The following ABCG1 variants were observed in gnomAD, a reference collection of about 807,000 sequenced individuals.
ABCG1 encodes the protein ATP-binding cassette sub-family G member 1.
Under a neutral mutation model 69.2 loss-of-function variants are expected in ABCG1, and 29 were observed. That is an observed-to-expected ratio of 0.42 (90% CI 0.31 to 0.57). The LOEUF (loss-of-function observed/expected upper bound fraction) is 0.57, where lower values mean the gene tolerates loss of function less well. Among genes scored for constraint, ABCG1 ranks in the 20% least tolerant of loss-of-function variants. The pLI is 0.15. For missense variants in ABCG1, 718 were observed against 898.1 expected (o/e 0.80, Z 2.56); for synonymous variants, 370 against 374.8 (o/e 0.99, Z 0.15).
intron 5 of ABCG1, among the ~76,000 whole-genome samples, chr21:42,280,666 C>T (rs4148132): frequency 0.19 from 28,211 of 152,146 alleles, 2,752 homozygotes; most frequent in South Asian, 0.3. Flanking sequence ...GGCAGGGGTG[C>T]GGAGGGAAAG....
At chr21:42,207,127 G>GT (rs2067549507) in intron 2 of ABCG1, 1 of 152,002 alleles carries the variant, frequency 6.6e-6, no homozygotes, top group Non-Finnish European at 1.5e-5. Flanking sequence ...GAATCTGTAG[G>GT]TTTATATCTT....
At chr21:42,267,171 C>G (rs1276107803) in intron 2 of ABCG1, among the ~76,000 whole-genome samples, 1 of 152,206 alleles carries the variant, frequency 6.6e-6, no homozygotes, top group Non-Finnish European at 1.5e-5. Flanking sequence ...TTCCTCCCAC[C>G]CAGGCTCACA....
In ABCG1 at chr21:42,291,152, C is replaced by T; in HGVS notation, c.1454C>T (p.Ala485Val). The change falls in exon 12 of 15, where the codon GCC (alanine) becomes GTC (valine). Residue 485 changes from alanine to valine, a missense_variant. Physicochemically the swap from Ala to Val is moderately conservative, Grantham distance 64 (BLOSUM62 0). Transcript: ENST00000398449. The surrounding 1 kb of genome is among the most constrained non-coding windows in gnomAD (Gnocchi z 6.4). Reference sequence around the variant, plus strand: ...CTGAACTACTGGTACAGCCTGAAGGCCTACTACCTGGCCAAGACCATGGCA... The same window carrying T: ...CTGAACTACTGGTACAGCCTGAAGGTCTACTACCTGGCCAAGACCATGGCA... ...EHLNYWYSLK[A>V]YYLAKTMADV... The T allele has an allele frequency of 6.2e-7, 1 of 1,614,166 alleles. No homozygotes were observed. Among genetic ancestry groups the T allele is most frequent in the Non-Finnish European group, 8.5e-7 (1 of 1,180,008 alleles).
At chr21:42,272,405 T>C (rs565324974) in intron 3 of ABCG1, among the ~76,000 whole-genome samples, 193 of 152,320 alleles carry the variant, frequency 1.3e-3, no homozygotes, top group African/African-American at 4.1e-3. Flanking sequence ...GGGAAGCCAG[T>C]TGACCCCAGC....
upstream of ABCG1, chr21:42,216,187 C>T (rs751557147): frequency 7.8e-5 from 35 of 449,502 alleles, no homozygotes; most frequent in South Asian, 5.2e-4. Flanking sequence ...CCACATGGAA[C>T]TGTGAGTCCG....
intron 2 of ABCG1, among the ~76,000 whole-genome samples, chr21:42,270,795 A>G (rs554049681): frequency 1.2e-4 from 19 of 152,272 alleles, no homozygotes; most frequent in East Asian, 9.7e-4. Context: ...TTCCCCATAG[A>G]CTAGACAATG....
rs182331840 is a variant in ABCG1 at position 42,201,872 on chromosome 21, G to A, written c.48+149G>A. 3.1e-4 allele frequency: 475 copies of A among 1,520,606 alleles called. 1 individual carries two copies. Among genetic ancestry groups the A allele is most frequent in the Non-Finnish European group, 4.4e-5 (49 of 1,125,982 alleles). The allele number at this position is 1,520,606 out of a possible 1,614,324, so 94.2% of individuals were successfully genotyped here. A position where few individuals can be genotyped will look rare whatever the true frequency, so the allele number is the denominator to read the frequency against. On this transcript the variant is annotated intron_variant, in intron 2 of 15. Transcript: ENST00000398457. ...CTCCTGCGGTGTAGTTTGGTGAGGG[G>A]CCAGCCCGAGGCAAACTGGGGACCT...
chr21:42,219,016 C>T, upstream of ABCG1: 1 of 234,134 alleles, frequency 4.3e-6, no homozygotes, highest in Middle Eastern at 1.5e-3. This position sits in a 1 kb window ranked among gnomAD's most constrained non-coding sequence, Gnocchi z 5.3. Context: ...GTCCGCCGCC[C>T]CCAGCAGGAG....
At chr21:42,271,222 C>A in intron 3 of ABCG1, 35 bp downstream of exon 3, 1 of 1,401,892 alleles carries the variant, frequency 7.1e-7, no homozygotes, top group Non-Finnish European at 9.5e-7. Flanking sequence ...AAGTTCTCTC[C>A]CGGGTGTCAG....
chr21:42,267,946 G>A (rs1292726660), intron 2 of ABCG1, among the ~76,000 whole-genome samples: 1 of 147,976 alleles, frequency 6.8e-6, no homozygotes, highest in Non-Finnish European at 1.5e-5. Context: ...TCTGGGTTCT[G>A]TCTAAGTTCT....
At chr21:42,257,138 C>G (rs2068319155) in intron 2 of ABCG1, among the ~76,000 whole-genome samples, 1 of 152,192 alleles carries the variant, frequency 6.6e-6, no homozygotes, top group South Asian at 2.1e-4. Context: ...ATTTTAAAAA[C>G]TCAAGGAACT....
In ABCG1 at chr21:42,282,312, C is replaced by T. The variant is rs756040162; in HGVS notation, c.627C>T (p.Cys209=). The change falls in exon 6 of 15, where the codon TGC becomes TGT. Residue 209 remains cysteine (C), a synonymous_variant. Coordinates refer to ENST00000398449, the MANE Select transcript of ABCG1 (RefSeq NM_016818.3). ...TGACAGCGCTGGGCTTGCTGTCTTG[C>T]GCCAACACGCGGACCGGGAGCCTGT... ...EILTALGLLS[C]ANTRTGSLSG... is the part of the protein sequence containing the mutation. The T allele has an allele frequency of 6.0e-5, 96 of 1,612,948 alleles. 1 individual carries two copies. Among genetic ancestry groups the T allele is most frequent in the African/African-American group, 8.0e-5 (6 of 74,932 alleles).
intron 2 of ABCG1, among the ~76,000 whole-genome samples, chr21:42,228,349 G>A (rs1204779251): frequency 2.6e-5 from 4 of 152,144 alleles, no homozygotes; most frequent in Non-Finnish European, 5.9e-5. Flanking sequence ...TTCTGCAGGG[G>A]CCAAGGGTAG....
chr21:42,230,887 A>G (rs185259706), intron 2 of ABCG1, among the ~76,000 whole-genome samples: 1 of 152,324 alleles, frequency 6.6e-6, no homozygotes, highest in East Asian at 1.9e-4. Flanking sequence ...GACGTGACCA[A>G]GGTCATAGGA....
intron 2 of ABCG1, among the ~76,000 whole-genome samples, chr21:42,210,473 C>A (rs1385885765): frequency 6.6e-6 from 1 of 152,154 alleles, no homozygotes; most frequent in African/African-American, 2.4e-5. Flanking sequence ...TAATCTTCAA[C>A]TTTGAAGGTC....
chr21:42,269,799 A>C (rs2068582570), intron 2 of ABCG1, among the ~76,000 whole-genome samples: 3 of 152,340 alleles, frequency 2.0e-5, no homozygotes, highest in Admixed American at 2.0e-4. Context: ...TCTTGGAAAC[A>C]TAAAGGCTTG....
chr21:42,256,330 T>G (rs1569221805), intron 2 of ABCG1: 1 of 1,549,744 alleles, frequency 6.5e-7, no homozygotes, highest in Non-Finnish European at 8.7e-7. Context: ...GTGGGCCCTC[T>G]CTGCTGGGGC....
At chr21:42,210,010 G>A (rs1281710204) in intron 2 of ABCG1, among the ~76,000 whole-genome samples, 1 of 152,182 alleles carries the variant, frequency 6.6e-6, no homozygotes, top group African/African-American at 2.4e-5. Flanking sequence ...AGGATGTAGG[G>A]GCTCCAGCGA....
chr21:42,273,169 G>A lies in ABCG1; in HGVS notation c.405-134G>A. ...GTCCGGTCCCTTTCTGCCCCTCGGGGTCCCCGTGGCCAGTGGTTCAGCTGG... is the reference window on the plus strand; with the variant it reads ...GTCCGGTCCCTTTCTGCCCCTCGGGATCCCCGTGGCCAGTGGTTCAGCTGG... On this transcript the variant is annotated intron_variant, in intron 3 of 14. Transcript: ENST00000398449. The surrounding 1 kb of genome is among the most constrained non-coding windows in gnomAD (Gnocchi z 5.3). The A allele has an allele frequency of 4.8e-6, 6 of 1,256,382 alleles. 1 individual carries two copies. The highest frequency in any genetic ancestry group is 2.9e-5 in the South Asian group (2 of 68,880). The allele number at this position is 1,256,382 out of a possible 1,614,324, so 77.8% of individuals were successfully genotyped here. A position where few individuals can be genotyped will look rare whatever the true frequency, so the allele number is the denominator to read the frequency against.
Sources: gnomAD v4.1 joint callset for allele counts (sites outside exome capture counted in the v4.1 genomes callset) on GRCh38, gnomAD v4.1.1 for gene constraint, Gnocchi (gnomAD v3.1) non-coding constraint, MANE v1.5 for transcripts, NCBI Gene and HGNC (gene_info 2026-07-23, HGNC 2026-07-21) for gene names.